MNS1: variants seen among roughly 807,000 people sequenced by gnomAD.
The protein encoded by MNS1 is meiosis-specific nuclear structural protein 1.
Under a neutral mutation model 72.0 loss-of-function variants are expected in MNS1, and 63 were observed. The ratio of observed to expected loss-of-function variants is 0.87; its 90% CI spans 0.71 to 1.08. The LOEUF (loss-of-function observed/expected upper bound fraction) is 1.08. MNS1 is among the 50% of genes least tolerant of loss of function. The pLI is 0.00. For missense variants in MNS1, 604 were observed against 562.4 expected, an observed-to-expected ratio of 1.07 and a Z score of -0.75; for synonymous variants, 188 against 172.1, an observed-to-expected ratio of 1.09 and a Z score of -0.72.
At chr15:56,433,783 TTCTC>T (rs1195361767) in intron 8 of MNS1, among the ~76,000 whole-genome samples, 2 of 152,180 alleles carry the variant, frequency 1.3e-5, no homozygotes. Context: ...CATGATCTGT[TTCTC>T]TCTCTGCCAT....
Position 56,428,818 on chromosome 15 carries a change from T to C in MNS1, c.*283A>G, listed in dbSNP as rs919895129. Reference sequence around the variant, plus strand: ...GAAGGCAGTTCACTTTGGGGTAGAGTTCTGTATTAGTCAAGGTAAATATAC... The same window carrying C: ...GAAGGCAGTTCACTTTGGGGTAGAGCTCTGTATTAGTCAAGGTAAATATAC... On this transcript the variant is annotated 3_prime_UTR_variant, in exon 10 of 10. Transcript: ENST00000260453. 2.7e-6 allele frequency: 1 copy of C among 375,950 alleles called. No homozygotes were observed. The allele number at this position is 375,950 out of a possible 1,614,324, so 23.3% of individuals were successfully genotyped here.
intron 7 of MNS1, among the ~76,000 whole-genome samples, chr15:56,440,542 G>C (rs1382576490): frequency 6.6e-6 from 1 of 152,104 alleles, no homozygotes; most frequent in Non-Finnish European, 1.5e-5. Context: ...TTACTCATCA[G>C]AGCTAAATAT....
chr15:56,437,766 A>G (rs1355655954), intron 7 of MNS1, among the ~76,000 whole-genome samples: 12 of 152,224 alleles, frequency 7.9e-5, no homozygotes, highest in Non-Finnish European at 1.0e-4. Context: ...ACTTCAGCAA[A>G]GTCTCAGGAT....
chr15:56,452,853 A>C (rs1390893601), intron 3 of MNS1, among the ~76,000 whole-genome samples: 2 of 152,108 alleles, frequency 1.3e-5, no homozygotes, highest in Non-Finnish European at 2.9e-5. Flanking sequence ...GCCACAGTGA[A>C]TCATCCTCAG....
At chr15:56,434,468 G>A (rs2050684710) in intron 7 of MNS1, 73 bp from the exon 8 acceptor site, 1 of 1,448,990 alleles carries the variant, frequency 6.9e-7, no homozygotes, top group East Asian at 2.3e-5. Flanking sequence ...GAGTGATAGA[G>A]TTTGGTTAAA....
chr15:56,452,092 C>T (rs1314075057), intron 3 of MNS1, among the ~76,000 whole-genome samples: 1 of 152,160 alleles, frequency 6.6e-6, no homozygotes, highest in Non-Finnish European at 1.5e-5. Flanking sequence ...CTTCCCTGTC[C>T]TATGTTCTCT....
chr15:56,438,419 G>T (rs1456835849), intron 7 of MNS1, among the ~76,000 whole-genome samples: 1 of 152,028 alleles, frequency 6.6e-6, no homozygotes, highest in Non-Finnish European at 1.5e-5. Context: ...AATAAATGGT[G>T]CTGGAAAAAC....
rs567423296 is a variant in MNS1 at position 56,435,905 on chromosome 15, A to G, written c.1012-1510T>C. On this transcript the variant is annotated intron_variant, in intron 7 of 9. Transcript: ENST00000260453. ...TGGATGCACAAATCCTTAACCCAAT[A>G]TTAGAAAAATAGATCATACATTAAA... Among the ~76,000 whole-genome samples, 13 of 152,186 alleles carry G rather than the reference A, an allele frequency of 8.5e-5. 1 individual carries two copies. Among genetic ancestry groups the G allele is most frequent in the African/African-American group, 3.1e-4 (13 of 41,570 alleles).
At position 56,460,009 on chromosome 15, in the gene MNS1, A is replaced by AAAAAAAAAAAAAAAAAAAAAAAAT; in HGVS notation, c.226-3489_226-3488insATTTTTTTTTTTTTTTTTTTTTTT. Among the ~76,000 whole-genome samples, 2 of 26,406 alleles carry AAAAAAAAAAAAAAAAAAAAAAAAT rather than the reference A, an allele frequency of 7.6e-5. 1 individual carries two copies. The highest frequency in any genetic ancestry group is 3.0e-4 in the African/African-American group (2 of 6,650). 17.3% of individuals were successfully genotyped at this position (26,406 alleles called of 152,430 possible). A position where few individuals can be genotyped will look rare whatever the true frequency, so the allele number is the denominator to read the frequency against. ...CTGTCTCAAAAAAAAAAAAAAAAAA[A>AAAAAAAAAAAAAAAAAAAAAAAAT]ATACATATATATATATATATATATA... On this transcript the variant is annotated intron_variant, in intron 2 of 9. Coordinates refer to ENST00000260453, the MANE Select transcript of MNS1 (RefSeq NM_018365.4).
chr15:56,463,893 G>T, intron 2 of MNS1, 133 bp downstream of exon 2: 1 of 706,566 alleles, frequency 1.4e-6, no homozygotes, highest in Non-Finnish European at 2.3e-6. Flanking sequence ...CGATTACACC[G>T]AGCTGAGGCA....
At position 56,456,374 on chromosome 15, in the gene MNS1, A is replaced by G; in HGVS notation, c.353+20T>C. The G allele has an allele frequency of 6.3e-7, 1 of 1,591,116 alleles. No individual in the cohort carries two copies. Among genetic ancestry groups the G allele is most frequent in the Non-Finnish European group, 8.5e-7 (1 of 1,173,780 alleles). On this transcript the variant is annotated intron_variant, in intron 3 of 9. Coordinates refer to ENST00000260453, the MANE Select transcript of MNS1 (RefSeq NM_018365.4). ...TAAAGATAAAGACTAAATAAATGAA[A>G]TTTAGAGAAACCAAGATACCTGTTT... is the stretch of plus-strand genomic sequence containing the variant.
intron 7 of MNS1, among the ~76,000 whole-genome samples, chr15:56,437,444 T>C (rs547114384): frequency 6.6e-6 from 1 of 152,212 alleles, no homozygotes; most frequent in East Asian, 1.9e-4. Flanking sequence ...CTCAATAAAT[T>C]AGGTGTTGAT....
intron 7 of MNS1, among the ~76,000 whole-genome samples, chr15:56,436,522 C>T (rs556007608): frequency 7.9e-5 from 12 of 152,248 alleles, no homozygotes; most frequent in Admixed American, 5.2e-4. Context: ...CTAAAATTGA[C>T]ACCCTAACAT....
At chr15:56,444,422 A>C (rs2050871914) in intron 5 of MNS1, 22 bp downstream of exon 5, 1 of 1,582,950 alleles carries the variant, frequency 6.3e-7, no homozygotes, top group African/African-American at 1.4e-5. Context: ...TTAGACATGT[A>C]AGAAAGTTAG....
At chr15:56,435,531 A>C (rs944094805) in intron 7 of MNS1, among the ~76,000 whole-genome samples, 1 of 152,096 alleles carries the variant, frequency 6.6e-6, no homozygotes, top group Non-Finnish European at 1.5e-5. Flanking sequence ...TAATACAGGA[A>C]TACTACAAAT....
intron 2 of MNS1, among the ~76,000 whole-genome samples, chr15:56,458,833 C>G (rs2050997936): frequency 6.6e-6 from 1 of 152,182 alleles, no homozygotes; most frequent in Admixed American, 6.5e-5. Flanking sequence ...GGATGTATCA[C>G]AGTTTATCCA....
intron 9 of MNS1, 65 bp downstream of exon 9, chr15:56,431,307 CA>C: frequency 1.9e-6 from 3 of 1,568,502 alleles, no homozygotes; most frequent in Non-Finnish European, 2.6e-6. Context: ...CTCTAAAATC[CA>C]AATACCATGT....
chr15:56,463,856 G>C (rs1381324696), intron 2 of MNS1, 170 bp downstream of exon 2: 1 of 602,226 alleles, frequency 1.7e-6, no homozygotes, highest in African/African-American at 1.9e-5. Context: ...TTCAAAGACA[G>C]GCCGGCTCCA....
intron 1 of MNS1, among the ~76,000 whole-genome samples, chr15:56,464,585 A>ACCC (rs772376187): frequency 6.7e-6 from 1 of 150,248 alleles, no homozygotes; most frequent in Admixed American, 6.7e-5. Context: ...TCCACCCACC[A>ACCC]CCACCACCAC....
Sources: allele counts gnomAD v4.1 joint callset (sites outside exome capture counted in the v4.1 genomes callset), GRCh38; gene constraint gnomAD v4.1.1; transcripts MANE v1.5; gene names NCBI Gene and HGNC (gene_info 2026-07-23, HGNC 2026-07-21).